Variants in SCFD2 observed in about 807,000 individuals in gnomAD.
The protein encoded by SCFD2 is sec1 family domain containing 2.
A neutral mutation model predicts 58.9 loss-of-function variants in SCFD2; 54 were observed. That is an observed-to-expected ratio of 0.92 (90% CI 0.74 to 1.15). The LOEUF is 1.15. Ranked by LOEUF, SCFD2 falls within the 50% of genes most tolerant of loss-of-function variation. SCFD2 has a pLI of 0.00. For missense variants in SCFD2, 805 were observed against 836.6 expected (o/e 0.96, Z 0.47); for synonymous variants, 321 against 335.9 (o/e 0.96, Z 0.49).
At chr4:53,055,128 T>C (rs183121779) in intron 5 of SCFD2, among the ~76,000 whole-genome samples, 187 of 152,336 alleles carry the variant, frequency 1.2e-3, no homozygotes, top group Non-Finnish European at 1.5e-3. Flanking sequence ...TCCTATCTAC[T>C]AGGCAATTTG....
intron 5 of SCFD2, among the ~76,000 whole-genome samples, chr4:52,965,993 T>A (rs1720954536): frequency 6.6e-6 from 1 of 152,120 alleles, no homozygotes; most frequent in East Asian, 1.9e-4. Flanking sequence ...TAAACTTGGA[T>A]CTGATTGATA....
intron 4 of SCFD2, among the ~76,000 whole-genome samples, chr4:53,248,637 T>G (rs535773984): frequency 1.6e-4 from 25 of 152,178 alleles, no homozygotes; most frequent in African/African-American, 5.8e-4. Flanking sequence ...GCAGCCTAAG[T>G]GGGAGACACC....
intron 5 of SCFD2, among the ~76,000 whole-genome samples, chr4:53,088,478 C>T (rs1485330963): frequency 3.3e-5 from 5 of 152,234 alleles, no homozygotes; most frequent in African/African-American, 4.8e-5. Flanking sequence ...AGATTTTTCT[C>T]AAGCCTTAAG....
chr4:53,178,870 C>T (rs990943844), intron 4 of SCFD2, among the ~76,000 whole-genome samples: 5 of 151,970 alleles, frequency 3.3e-5, no homozygotes, highest in Admixed American at 1.3e-4. Context: ...CCTCAGTAGC[C>T]GATGCGATCA....
chr4:53,029,008 G>C (rs2062186), intron 5 of SCFD2, among the ~76,000 whole-genome samples: 32,808 of 152,092 alleles, frequency 0.22, 5,946 homozygotes, highest in African/African-American at 0.5. Flanking sequence ...TGGTTGAAAC[G>C]AAAAAGATGG....
At chr4:53,326,853 A>T (rs916847498) in intron 2 of SCFD2, among the ~76,000 whole-genome samples, 2 of 152,154 alleles carry the variant, frequency 1.3e-5, no homozygotes, top group African/African-American at 4.8e-5. Flanking sequence ...ATTTATTTTA[A>T]TGTAAATCAC....
intron 4 of SCFD2, among the ~76,000 whole-genome samples, chr4:53,179,474 C>T (rs1251564688): frequency 2.0e-5 from 3 of 152,158 alleles, no homozygotes; most frequent in Admixed American, 6.5e-5. Context: ...CACCACCAGG[C>T]CAGTCCTAAA....
intron 5 of SCFD2, among the ~76,000 whole-genome samples, chr4:53,130,322 T>A (rs1450917765): frequency 6.6e-6 from 1 of 152,254 alleles, no homozygotes; most frequent in Admixed American, 6.5e-5. Context: ...ATTGTTTAGA[T>A]GTCAGTGACA....
chr4:53,153,929 C>G (rs1464735655), intron 4 of SCFD2, among the ~76,000 whole-genome samples: 1 of 152,184 alleles, frequency 6.6e-6, no homozygotes, highest in Non-Finnish European at 1.5e-5. Flanking sequence ...TTCTCAATAA[C>G]TTTCTCATTT....
At chr4:53,207,907 T>C (rs532404197) in intron 4 of SCFD2, among the ~76,000 whole-genome samples, 1 of 151,570 alleles carries the variant, frequency 6.6e-6, no homozygotes, top group South Asian at 2.1e-4. Context: ...TAAACCTCTT[T>C]TCTTTAAAGA....
intron 3 of SCFD2, among the ~76,000 whole-genome samples, chr4:53,286,622 C>T (rs550415133): frequency 1.3e-5 from 2 of 152,284 alleles, no homozygotes; most frequent in East Asian, 1.9e-4. Context: ...CCCCCAGGCA[C>T]CTGAGATAAT....
At chr4:52,936,982 T>C (rs1720154380) in intron 5 of SCFD2, among the ~76,000 whole-genome samples, 1 of 152,044 alleles carries the variant, frequency 6.6e-6, no homozygotes, top group African/African-American at 2.4e-5. Flanking sequence ...GTGTCTGTGC[T>C]CATGGAGTCT....
chr4:53,272,536 C>T (rs1731205045), intron 4 of SCFD2, among the ~76,000 whole-genome samples: 1 of 152,122 alleles, frequency 6.6e-6, no homozygotes, highest in African/African-American at 2.4e-5. Flanking sequence ...AAAGGATGAG[C>T]TCATGTCCTT....
In SCFD2 at chr4:53,223,624, C is replaced by T. The variant is rs571534684; in HGVS notation, c.1311+50202G>A. ...TTTCATCCTTCAAAACATAGTCTCA[C>T]GGAACATTTTCTCATGGAAATCTCG... On this transcript the variant is annotated intron_variant, in intron 4 of 8. Transcript: ENST00000401642. 3.7e-4 allele frequency among the ~76,000 whole-genome samples: 56 copies of T among 152,328 alleles called. No individual in the cohort carries two copies. The South Asian group carries it at 9.5e-3, about 26-fold the overall frequency.
chr4:53,216,196 G>T (rs1307698676), intron 4 of SCFD2, among the ~76,000 whole-genome samples: 14 of 152,158 alleles, frequency 9.2e-5, no homozygotes, highest in Non-Finnish European at 2.1e-4. Context: ...TTTTTCTATT[G>T]ATTGGAATTG....
At chr4:53,327,388 G>A (rs1024048100) in intron 2 of SCFD2, among the ~76,000 whole-genome samples, 8 of 152,182 alleles carry the variant, frequency 5.3e-5, no homozygotes, top group African/African-American at 1.9e-4. Context: ...GCTGCAGCCT[G>A]GCTCAGGATG....
intron 5 of SCFD2, among the ~76,000 whole-genome samples, chr4:52,946,732 C>T (rs1384475550): frequency 1.3e-5 from 2 of 152,124 alleles, no homozygotes; most frequent in Non-Finnish European, 2.9e-5. Flanking sequence ...TAAAAATCCT[C>T]ATTTACCAGG....
intron 5 of SCFD2, among the ~76,000 whole-genome samples, chr4:53,103,799 G>A (rs1467464343): frequency 7.0e-6 from 1 of 143,066 alleles, no homozygotes; most frequent in African/African-American, 2.6e-5. Context: ...AAGGCATGGG[G>A]TAGGGGATGG....
chr4:53,349,485 G>A (rs1734152463), intron 2 of SCFD2, among the ~76,000 whole-genome samples: 1 of 152,204 alleles, frequency 6.6e-6, no homozygotes, highest in Admixed American at 6.5e-5. Flanking sequence ...GACTCAATAT[G>A]TCTGACATAT....
Sources: allele counts gnomAD v4.1 joint callset (sites outside exome capture counted in the v4.1 genomes callset), GRCh38; gene constraint gnomAD v4.1.1; transcripts MANE v1.5; gene names NCBI Gene and HGNC (gene_info 2026-07-23, HGNC 2026-07-21).